Variants in ST6GALNAC5 observed in about 807,000 individuals in gnomAD.
The protein encoded by ST6GALNAC5 is alpha-N-acetylgalactosaminide alpha-2,6-sialyltransferase 5.
A neutral mutation model predicts 33.6 loss-of-function variants in ST6GALNAC5; 27 were observed. The observed-to-expected ratio is 0.80, with a 90% CI of 0.59 to 1.11. The LOEUF (loss-of-function observed/expected upper bound fraction) is 1.11, where lower values mean the gene tolerates loss of function less well. Ranked by LOEUF, ST6GALNAC5 falls within the 50% of genes least tolerant of loss-of-function variation. The probability of loss-of-function intolerance (pLI) is 0.00; values close to 1 mark genes in which losing one functional copy is unlikely to be tolerated. For missense variants in ST6GALNAC5, 428 were observed against 454.0 expected (o/e 0.94, Z 0.52); for synonymous variants, 194 against 171.2 (o/e 1.13, Z -1.04).
chr1:76,968,203 T>C (rs1213133884), intron 2 of ST6GALNAC5, among the ~76,000 whole-genome samples: 11 of 152,182 alleles, frequency 7.2e-5, no homozygotes, highest in Admixed American at 7.2e-4. Context: ...CCCATTATTA[T>C]TCTGCGGGAG....
intron 2 of ST6GALNAC5, among the ~76,000 whole-genome samples, chr1:76,965,924 T>C (rs1267490786): frequency 6.6e-6 from 1 of 152,206 alleles, no homozygotes; most frequent in Non-Finnish European, 1.5e-5. Flanking sequence ...TGTAGATGTG[T>C]GGTGTTATTT....
At position 77,027,319 on chromosome 1, in the gene ST6GALNAC5, G is replaced by A. The variant is rs536478244; in HGVS notation, c.262-16885G>A. 2.0e-5 allele frequency among the ~76,000 whole-genome samples: 3 copies of A among 152,330 alleles called. No homozygotes were observed. In the South Asian group the frequency reaches 6.2e-4, roughly 32 times the overall value. On this transcript the variant is annotated intron_variant, in intron 2 of 4. Coordinates refer to ENST00000477717, the MANE Select transcript of ST6GALNAC5 (RefSeq NM_030965.3). ...AGCACCTACATTAGGGGGCAGGGGTGAAGTATACTTTCCCATTGGCCTCTT... is the reference window on the plus strand; with the variant it reads ...AGCACCTACATTAGGGGGCAGGGGTAAAGTATACTTTCCCATTGGCCTCTT...
intron 3 of ST6GALNAC5, among the ~76,000 whole-genome samples, chr1:77,047,086 G>A (rs1652040109): frequency 6.6e-6 from 1 of 152,204 alleles, no homozygotes; most frequent in Non-Finnish European, 1.5e-5. Context: ...GGAGTGGCTG[G>A]TGGGACTCTT....
chr1:76,898,084 G>C (rs1043250279), intron 2 of ST6GALNAC5, among the ~76,000 whole-genome samples: 17 of 152,308 alleles, frequency 1.1e-4, no homozygotes, highest in Non-Finnish European at 2.2e-4. Context: ...AGAGAGCCTT[G>C]GGCCAGAGTT....
chr1:76,912,864 CTT>C (rs1265975875), intron 2 of ST6GALNAC5, among the ~76,000 whole-genome samples: 1 of 152,108 alleles, frequency 6.6e-6, no homozygotes, highest in Non-Finnish European at 1.5e-5. Context: ...GCTCTTGACT[CTT>C]TATCCAATTT....
At chr1:76,986,015 A>G (rs1649479927) in intron 2 of ST6GALNAC5, among the ~76,000 whole-genome samples, 1 of 152,242 alleles carries the variant, frequency 6.6e-6, no homozygotes, top group South Asian at 2.1e-4. Flanking sequence ...TTCAAGATGG[A>G]TTAAAGACTT....
At chr1:76,925,154 T>C (rs1266864757) in intron 2 of ST6GALNAC5, among the ~76,000 whole-genome samples, 1 of 151,964 alleles carries the variant, frequency 6.6e-6, no homozygotes, top group Non-Finnish European at 1.5e-5. Flanking sequence ...ATCAGTCTCA[T>C]GAACTAACAG....
intron 2 of ST6GALNAC5, among the ~76,000 whole-genome samples, chr1:77,016,670 C>T (rs1356271718): frequency 6.6e-6 from 1 of 152,082 alleles, no homozygotes; most frequent in African/African-American, 2.4e-5. Context: ...GACTTGGCCT[C>T]TTTGTATGTC....
intron 2 of ST6GALNAC5, among the ~76,000 whole-genome samples, chr1:76,971,343 C>G (rs1648749134): frequency 6.6e-6 from 1 of 152,062 alleles, no homozygotes; most frequent in African/African-American, 2.4e-5. Flanking sequence ...GTATAGCTAC[C>G]CCCAAGTGTT....
intron 2 of ST6GALNAC5, among the ~76,000 whole-genome samples, chr1:76,940,812 G>C (rs977734617): frequency 1.3e-5 from 2 of 152,074 alleles, no homozygotes; most frequent in South Asian, 4.1e-4. Context: ...GCTTTGGAGT[G>C]TACTGATTTT....
At chr1:77,003,350 C>A (rs1455190111) in intron 2 of ST6GALNAC5, among the ~76,000 whole-genome samples, 1 of 145,108 alleles carries the variant, frequency 6.9e-6, no homozygotes, top group Non-Finnish European at 1.5e-5. Context: ...CTTGGTAGAT[C>A]TTCCTCCATC....
chr1:76,997,888 C>T (rs192406470), intron 2 of ST6GALNAC5, among the ~76,000 whole-genome samples: 1 of 152,198 alleles, frequency 6.6e-6, no homozygotes, highest in East Asian at 1.9e-4. Flanking sequence ...TAATAATTCC[C>T]ATGTGTTAAG....
intron 2 of ST6GALNAC5, among the ~76,000 whole-genome samples, chr1:77,043,932 C>T (rs549552715): frequency 2.6e-4 from 39 of 152,180 alleles, no homozygotes; most frequent in African/African-American, 8.0e-4. Context: ...GTTGATGTGT[C>T]GATTTGGTTA....
chr1:77,005,833 T>C (rs991701372), intron 2 of ST6GALNAC5, among the ~76,000 whole-genome samples: 5 of 152,236 alleles, frequency 3.3e-5, no homozygotes, highest in African/African-American at 1.2e-4. Flanking sequence ...ATTGTTTCAT[T>C]GAGCATGTTT....
At chr1:76,872,946 T>C (rs145552045) in intron 2 of ST6GALNAC5, among the ~76,000 whole-genome samples, 1 of 152,342 alleles carries the variant, frequency 6.6e-6, no homozygotes, top group East Asian at 1.9e-4. Context: ...ACAGGATAAA[T>C]GTTTTTTATA....
intron 2 of ST6GALNAC5, among the ~76,000 whole-genome samples, chr1:76,995,813 G>C (rs1268023368): frequency 6.6e-6 from 1 of 152,104 alleles, no homozygotes; most frequent in African/African-American, 2.4e-5. Context: ...GTGTATATCT[G>C]TGTCTTCTGT....
intron 4 of ST6GALNAC5, among the ~76,000 whole-genome samples, chr1:77,061,142 AG>A (rs1251591050): frequency 6.6e-6 from 1 of 152,226 alleles, no homozygotes; most frequent in African/African-American, 2.4e-5. Flanking sequence ...TAGTCAGGAA[AG>A]GATCCAGTGT....
chr1:77,061,664 T>G (rs1652578444), intron 4 of ST6GALNAC5, among the ~76,000 whole-genome samples: 1 of 152,318 alleles, frequency 6.6e-6, no homozygotes, highest in African/African-American at 2.4e-5. Flanking sequence ...TTGACTAATC[T>G]TACCATTCAT....
chr1:77,017,728 T>A (rs2100432373), intron 2 of ST6GALNAC5, among the ~76,000 whole-genome samples: 1 of 152,332 alleles, frequency 6.6e-6, no homozygotes, highest in Admixed American at 6.5e-5. Flanking sequence ...AGTTCTTACG[T>A]AGGATTTTGT....
Sources: allele counts gnomAD v4.1 joint callset (sites outside exome capture counted in the v4.1 genomes callset), GRCh38; gene constraint gnomAD v4.1.1; transcripts MANE v1.5; gene names NCBI Gene and HGNC (gene_info 2026-07-23, HGNC 2026-07-21).